Variants in HSP90AB1 observed in about 807,000 individuals in gnomAD.
HSP90AB1 encodes the protein heat shock protein HSP 90-beta.
Under a neutral mutation model 67.8 loss-of-function variants are expected in HSP90AB1, and 17 were observed. That is an observed-to-expected ratio of 0.25 (90% CI 0.17 to 0.38). HSP90AB1 has a LOEUF of 0.38. HSP90AB1 is among the 10% of genes least tolerant of loss of function. The pLI, the probability that HSP90AB1 is intolerant of heterozygous loss-of-function variation, is 1.00. For missense variants in HSP90AB1, 690 were observed against 899.9 expected, an observed-to-expected ratio of 0.77 and a Z score of 2.98; for synonymous variants, 390 against 312.9, an observed-to-expected ratio of 1.25 and a Z score of -2.60.
At position 44,252,005 on chromosome 6, in the gene HSP90AB1, G is replaced by A. The variant is rs764560938; in HGVS notation, c.1469G>A (p.Ser490Asn). 10 of 1,614,074 alleles carry A rather than the reference G, an allele frequency of 6.2e-6. No homozygotes were observed. The South Asian group carries it at 6.6e-5, about 11-fold the overall frequency. ...QKSIYYITGE[S>N]KEQVANSAFV... ...TCATTTAATTACCCTACAGGTGAGA[G>A]CAAAGAGCAGGTGGCCAACTCAGCT... The change falls in exon 10 of 12, where the codon AGC becomes AAC. Residue 490 changes from serine (S) to asparagine (N), a missense_variant. Ser to Asn is a conservative substitution (Grantham distance 46, BLOSUM62 1). Transcript: ENST00000371646.
upstream of HSP90AB1, among the ~76,000 whole-genome samples, chr6:44,246,546 T>C (rs965004437): frequency 2.6e-5 from 4 of 152,116 alleles, no homozygotes; most frequent in African/African-American, 9.7e-5. Context: ...CCCCCTACGC[T>C]GAGCTGCCCC....
rs541102211 is a variant in HSP90AB1 at position 44,248,953 on chromosome 6, A to G, written c.147+177A>G. ...TGAACTTGGAAGGGACTATGTCCAG[A>G]ATAAGTGGGCTCATGGAACTAACTG... On this transcript the variant is annotated intron_variant, in intron 2 of 11. Coordinates refer to ENST00000371646, the MANE Select transcript of HSP90AB1 (RefSeq NM_007355.4). Among the ~76,000 whole-genome samples the G allele has an allele frequency of 4.6e-5, 7 of 152,300 alleles. No homozygotes were observed. In the East Asian group the frequency reaches 1.3e-3, roughly 29 times the overall value.
intron 1 of HSP90AB1, among the ~76,000 whole-genome samples, chr6:44,248,387 C>T (rs1780226423): frequency 6.6e-6 from 1 of 152,222 alleles, no homozygotes; most frequent in Admixed American, 6.5e-5. Flanking sequence ...TAGGTGGGTT[C>T]TGTGACATTT....
chr6:44,249,639 T>C, intron 3 of HSP90AB1, 36 bp from the exon 4 acceptor site: 2 of 1,611,614 alleles, frequency 1.2e-6, no homozygotes, highest in Non-Finnish European at 8.5e-7. Context: ...TTTTTGCTTC[T>C]TTAAAACTTG....
At chr6:44,251,642 A>T in intron 8 of HSP90AB1, 34 bp downstream of exon 8, 2 of 1,586,918 alleles carry the variant, frequency 1.3e-6, no homozygotes, top group Middle Eastern at 3.4e-4. Flanking sequence ...TCCCTTTACC[A>T]CTTTCTTAGT....
chr6:44,246,264 G>C (rs1325292305), upstream of HSP90AB1: 1 of 152,304 alleles, frequency 6.6e-6, no homozygotes, highest in Non-Finnish European at 1.5e-5. Context: ...ATTGACGCGG[G>C]GAAGGAGGGG....
At position 44,253,860 on chromosome 6, in the gene HSP90AB1, TAAA is replaced by T; in HGVS notation, c.*263_*265del. Reference sequence around the variant, plus strand: ...TGTTCTGAAATTAAAGTATGCAAAATAAAGAATATGCCGTTTTTATACAGTTCT... The same window carrying T: ...TGTTCTGAAATTAAAGTATGCAAAATGAATATGCCGTTTTTATACAGTTCT... On this transcript the variant is annotated 3_prime_UTR_variant, in exon 12 of 12. Transcript: ENST00000371646. 1.4e-6 allele frequency: 1 copy of T among 711,436 alleles called. No individual in the cohort carries two copies. The highest frequency in any genetic ancestry group is 2.7e-6 in the Non-Finnish European group (1 of 375,578). The allele number at this position is 711,436 out of a possible 1,614,324, so 44.1% of individuals were successfully genotyped here. A position where few individuals can be genotyped will look rare whatever the true frequency, so the allele number is the denominator to read the frequency against.
upstream of HSP90AB1, among the ~76,000 whole-genome samples, chr6:44,246,686 T>C (rs538492411): frequency 1.7e-4 from 26 of 152,240 alleles, no homozygotes; most frequent in Admixed American, 1.4e-3. Flanking sequence ...AGGAAGAAGA[T>C]TGGGTCTGGG....
Position 44,249,565 on chromosome 6 carries a change from A to G in HSP90AB1, c.336A>G (p.Ala112=). The change falls in exon 3 of 12, where the codon GCA becomes GCG. Residue 112 remains alanine, a synonymous_variant. Transcript: ENST00000371646. The part of the protein sequence containing the change: ...LGTIAKSGTK[A]FMEALQAGAD... Reference sequence around the variant, plus strand: ...CCATTGCCAAGTCTGGTACTAAAGCATTCATGGAGGCTCTTCAGGTATTGC... The same window carrying G: ...CCATTGCCAAGTCTGGTACTAAAGCGTTCATGGAGGCTCTTCAGGTATTGC... 6.2e-7 allele frequency: 1 copy of G among 1,614,108 alleles called. No individual in the cohort carries two copies. Among genetic ancestry groups the G allele is most frequent in the South Asian group, 1.1e-5 (1 of 91,080 alleles).
At position 44,248,784 on chromosome 6, in the gene HSP90AB1, C is replaced by T. The variant is rs756383646; in HGVS notation, c.147+8C>T. The T allele has an allele frequency of 3.5e-5, 56 of 1,591,456 alleles. No homozygotes were observed. The highest frequency in any genetic ancestry group is 4.6e-5 in the Non-Finnish European group (54 of 1,173,720). On this transcript the variant is annotated splice_region_variant and intron_variant, in intron 2 of 11. Coordinates refer to ENST00000371646, the MANE Select transcript of HSP90AB1 (RefSeq NM_007355.4). ...ATCTCTAATGCTTCTGATGTAGGTG[C>T]TCTGGTTTCCACATTTGGCATGGTT... is the stretch of plus-strand genomic sequence containing the variant.
At chr6:44,246,997 G>A (rs1433549120), upstream of HSP90AB1, 1 of 152,290 alleles carries the variant, frequency 6.6e-6, no homozygotes, top group Non-Finnish European at 1.5e-5. Flanking sequence ...GGTGGCGGCA[G>A]GTGCGGGGTT....
intron 7 of HSP90AB1, 77 bp downstream of exon 7, chr6:44,251,290 T>C: frequency 1.3e-6 from 2 of 1,569,982 alleles, no homozygotes; most frequent in South Asian, 1.1e-5. Flanking sequence ...TATTCTAAGG[T>C]AACAGTTTTC....
chr6:44,247,578 G>A (rs1780071379), intron 1 of HSP90AB1, among the ~76,000 whole-genome samples: 1 of 152,222 alleles, frequency 6.6e-6, no homozygotes, highest in African/African-American at 2.4e-5. Context: ...TGCCCGCTCG[G>A]GTGACTCAGC....
chr6:44,253,638 G>C lies in HSP90AB1; in HGVS notation c.*40G>C. 6.8e-7 allele frequency: 1 copy of C among 1,461,012 alleles called. No homozygotes were observed. The highest frequency in any genetic ancestry group is 1.1e-5 in the South Asian group (1 of 88,044). 90.5% of individuals were successfully genotyped at this position (1,461,012 alleles called of 1,614,324 possible). On this transcript the variant is annotated 3_prime_UTR_variant, in exon 12 of 12. Transcript: ENST00000371646. ...GTTGGAAAACTTGTGCCCTTGTATA[G>C]TGTCCCCATGGGCTCCCACTGCAGC...
intron 5 of HSP90AB1, 67 bp downstream of exon 5, chr6:44,250,221 T>C (rs1780470404): frequency 1.2e-6 from 2 of 1,611,200 alleles, no homozygotes; most frequent in African/African-American, 1.3e-5. Context: ...GAGAATCTCA[T>C]TGTCCCTGGC....
chr6:44,252,343 A>G lies in HSP90AB1; in HGVS notation c.1731+76A>G, dbSNP rs35486197. On this transcript the variant is annotated intron_variant, in intron 10 of 11. Coordinates refer to ENST00000371646, the MANE Select transcript of HSP90AB1 (RefSeq NM_007355.4). ...TCCCTCACAAGCATGTTTCTATACA[A>G]TTAGTGGTTTGAGGCAGCCTATTTA... 2.7e-4 allele frequency: 374 copies of G among 1,360,238 alleles called. 1 individual carries two copies. The African/African-American group carries it at 4.5e-3, about 16-fold the overall frequency. The allele number at this position is 1,360,238 out of a possible 1,614,324, so 84.3% of individuals were successfully genotyped here.
rs1255291254 is a variant in HSP90AB1 at position 44,251,153 on chromosome 6, C to T, written c.1063C>T (p.Leu355Phe). 1 of 1,614,212 alleles carries T rather than the reference C, an allele frequency of 6.2e-7. No homozygotes were observed. Residue 355 changes from leucine (L) to phenylalanine (F), a missense_variant, in exon 7 of 12, where the codon CTC (leucine) becomes TTC (phenylalanine). Leu to Phe is a conservative substitution (Grantham distance 22). This residue lies in a region of HSP90AB1 where 101 missense variants were observed against 174.8 expected (regional missense o/e 0.58). Transcript: ENST00000371646. ...CAAGAAGAAAAAGAACAACATCAAA[C>T]TCTATGTCCGCCGTGTGTTCATCAT... ...ENKKKKNNIKLYVRRVFIMDS... is the reference protein window; with the variant it reads ...ENKKKKNNIKFYVRRVFIMDS...
chr6:44,250,226 C>A, intron 5 of HSP90AB1, 65 bp from the exon 6 acceptor site: 1 of 1,610,382 alleles, frequency 6.2e-7, no homozygotes. Context: ...TCTCATTGTC[C>A]CTGGCTTTTG....
At chr6:44,248,514 T>G in intron 1 of HSP90AB1, 116 bp from the exon 2 acceptor site, 1 of 871,914 alleles carries the variant, frequency 1.1e-6, no homozygotes. Context: ...GGGATAGTAC[T>G]CCGGTTAAAC....
Sources: allele counts gnomAD v4.1 joint callset (sites outside exome capture counted in the v4.1 genomes callset), GRCh38; gene constraint gnomAD v4.1.1; regional missense constraint gnomAD v4.1.1; transcripts MANE v1.5; gene names NCBI Gene and HGNC (gene_info 2026-07-23, HGNC 2026-07-21).